The following SEZ6 variants were observed in gnomAD, a reference collection of about 807,000 sequenced individuals.
SEZ6 encodes seizure related 6 homolog, also known as seizure protein 6 homolog.
A neutral mutation model predicts 101.0 loss-of-function variants in SEZ6; 53 were observed. The observed-to-expected ratio is 0.52, with a 90% CI of 0.42 to 0.66. SEZ6 has a LOEUF of 0.66. SEZ6 is among the 30% of genes least tolerant of loss of function. The pLI is 0.00. For synonymous variants in SEZ6, 488 were observed against 512.2 expected (o/e 0.95, Z 0.64); for missense variants, 1,102 against 1,289.4 (o/e 0.85, Z 2.23).
chr17:28,965,429 A>C (rs6505100), intron 4 of SEZ6, among the ~76,000 whole-genome samples: 2,533 of 152,262 alleles, frequency 0.017, 65 homozygotes, highest in African/African-American at 0.057. Context: ...GCTTGAGGCC[A>C]GGAGTTCAAG....
rs371420535 is a variant in SEZ6, at chr17:28,960,912, C to G, written c.1302G>C (p.Pro434=). ...TTGRIVSPGF[P]GNYSNNLTCH... ...AGGTGAGGTTGTTGCTGTAGTTGCCCGGGAAGCCTGGAGAGACGATGCGGC... is the reference window on the plus strand; with the variant it reads ...AGGTGAGGTTGTTGCTGTAGTTGCCGGGGAAGCCTGGAGAGACGATGCGGC... Residue 434 remains proline, a synonymous_variant, in exon 6 of 17, where the codon CCG becomes CCC. Transcript: ENST00000317338. 1 of 1,613,900 alleles carries G rather than the reference C, an allele frequency of 6.2e-7. No individual in the cohort carries two copies. The highest frequency in any genetic ancestry group is 8.5e-7 in the Non-Finnish European group (1 of 1,179,864).
chr17:28,957,924 G>T (rs1222857510), intron 11 of SEZ6, 23 bp downstream of exon 11: 1 of 1,599,496 alleles, frequency 6.3e-7, no homozygotes, highest in African/African-American at 1.3e-5. Context: ...GGGAAGGGGA[G>T]CGTGGGGAAC....
intron 3 of SEZ6, among the ~76,000 whole-genome samples, chr17:28,977,882 T>A (rs1453705987): frequency 6.6e-6 from 1 of 152,204 alleles, no homozygotes; most frequent in African/African-American, 2.4e-5. Flanking sequence ...TAAGCGGTGC[T>A]GAGTGCTAAT....
rs2041545897 is a variant in SEZ6 at position 28,996,554 on chromosome 17, A to G, written c.55+9261T>C. Among the ~76,000 whole-genome samples the G allele has an allele frequency of 2.0e-5, 3 of 152,084 alleles. No individual in the cohort carries two copies. The South Asian group carries it at 6.2e-4, about 31-fold the overall frequency. On this transcript the variant is annotated intron_variant, in intron 1 of 16. Transcript: ENST00000317338. The stretch of plus-strand genomic sequence containing the variant: ...CAGTGAAGCCCAAGATTGGGGAGGA[A>G]GAGACTGGAGTGGGCTGCAGGGAGG...
At position 28,957,348 on chromosome 17, in the gene SEZ6, G is replaced by A. The variant is rs2306900; in HGVS notation, c.2494C>T (p.Leu832=). The A allele has an allele frequency of 1.7e-4, 275 of 1,612,288 alleles. No homozygotes were observed. In the East Asian group the frequency reaches 5.7e-3, roughly 33 times the overall value. ...TCCCTCCTACTCAATTGACACTTAC[G>A]GAGACATTTAGGGGCCCGGTCACTC... ...KWSDRAPKCL[L]EQLKPCHGLS... is the part of the protein sequence containing the mutation. Residue 832 remains leucine (L), a splice_region_variant and synonymous_variant, in exon 12 of 17, where the codon CTG becomes TTG. Coordinates refer to ENST00000317338, the MANE Select transcript of SEZ6 (RefSeq NM_178860.5).
chr17:29,005,761 C>T lies in SEZ6; in HGVS notation c.55+54G>A, dbSNP rs1417590264. The T allele has an allele frequency of 3.4e-6, 5 of 1,464,304 alleles. No individual in the cohort carries two copies. In the Admixed American group the frequency reaches 8.7e-5, roughly 26 times the overall value. 90.7% of individuals were successfully genotyped at this position (1,464,304 alleles called of 1,614,324 possible). A position where few individuals can be genotyped will look rare whatever the true frequency, so the allele number is the denominator to read the frequency against. On this transcript the variant is annotated intron_variant, in intron 1 of 16. Coordinates refer to ENST00000317338, the MANE Select transcript of SEZ6 (RefSeq NM_178860.5). This position sits in a 1 kb window ranked among gnomAD's most constrained non-coding sequence, Gnocchi z 4.8. The stretch of plus-strand genomic sequence containing the variant: ...CTGGGCACCGGGTCTCCCTTCCCAC[C>T]CCTGGGGCCCCGCTCCCGCCCCCGT...
At chr17:28,988,222 C>T (rs1301237155) in intron 1 of SEZ6, among the ~76,000 whole-genome samples, 2 of 152,222 alleles carry the variant, frequency 1.3e-5, no homozygotes, top group Admixed American at 1.3e-4. Flanking sequence ...CGGGTCAGTT[C>T]CTAGCCTCCT....
intron 1 of SEZ6, among the ~76,000 whole-genome samples, chr17:28,999,631 C>A (rs534620763): frequency 2.6e-4 from 40 of 152,314 alleles, no homozygotes; most frequent in Admixed American, 1.8e-3. Context: ...ATCCTCCCCC[C>A]ACAGGTCTGG....
Position 28,959,731 on chromosome 17 carries a change from G to T in SEZ6, c.1738C>A (p.Pro580Thr), listed in dbSNP as rs1220031349. The T allele has an allele frequency of 6.2e-7, 1 of 1,606,852 alleles. No homozygotes were observed. The highest frequency in any genetic ancestry group is 8.5e-7 in the Non-Finnish European group (1 of 1,175,830). ...GCTGGCTCTGTCTCATTCCACTGGG[G>T]GTCGTGGGGGTCAACACACTCGATG... ...IIIECVDPHD[P>T]QWNETEPACR... The change falls in exon 8 of 17, where the codon CCC (proline) becomes ACC (threonine). Residue 580 changes from proline to threonine, a missense_variant. By Grantham distance (38) the Pro-to-Thr change is conservative. Around this residue, in one of 3 missense-constraint regions of SEZ6, gnomAD observed 556 missense variants for 735.1 expected, o/e 0.76. Transcript: ENST00000317338. This position sits in a 1 kb window ranked among gnomAD's most constrained non-coding sequence, Gnocchi z 4.4.
chr17:28,999,868 C>T (rs1247584746), intron 1 of SEZ6, among the ~76,000 whole-genome samples: 1 of 152,214 alleles, frequency 6.6e-6, no homozygotes, highest in Admixed American at 6.5e-5. Flanking sequence ...CATAGTTCAC[C>T]TGACTCCCAG....
intron 1 of SEZ6, among the ~76,000 whole-genome samples, chr17:28,990,059 T>G (rs1454082445): frequency 6.6e-6 from 1 of 151,812 alleles, no homozygotes; most frequent in Non-Finnish European, 1.5e-5. Context: ...GCGACAAGAG[T>G]TAAACTCTGT....
At chr17:28,963,624 G>A (rs1026865406) in intron 5 of SEZ6, among the ~76,000 whole-genome samples, 6 of 152,094 alleles carry the variant, frequency 3.9e-5, no homozygotes, top group African/African-American at 9.7e-5. Flanking sequence ...GAATGATTGC[G>A]CCCTTGCCTC....
rs369112195 is a variant in SEZ6 at position 28,957,367 on chromosome 17, G to A, written c.2475C>T (p.Asp825=). ...ACTTACGGAGACATTTAGGGGCCCG[G>A]TCACTCCACTTGGGGCTGCCAGCCT... The part of the protein sequence containing the change: ...DRQAGSPKWS[D]RAPKCLLEQL... The change falls in exon 12 of 17, where the codon GAC becomes GAT. Residue 825 remains aspartate, a synonymous_variant. Coordinates refer to ENST00000317338, the MANE Select transcript of SEZ6 (RefSeq NM_178860.5). The A allele has an allele frequency of 6.2e-5, 100 of 1,613,620 alleles. No homozygotes were observed. The highest frequency in any genetic ancestry group is 8.0e-5 in the Non-Finnish European group (94 of 1,179,692).
Position 28,956,397 on chromosome 17 carries a change from C to T in SEZ6, c.2802G>A (p.Leu934=). Residue 934 remains leucine, a synonymous_variant, in exon 15 of 17, where the codon CTG becomes CTA. Coordinates refer to ENST00000317338, the MANE Select transcript of SEZ6 (RefSeq NM_178860.5). ...CTCCTACCAACAACACCATCGCCAC[C>T]AGTGGCAAGAAGATGGCAGCTGCAA... ...AHIAAAIFLP[L]VAMVLLVGGV... is the part of the protein sequence containing the mutation. 1 of 1,571,964 alleles carries T rather than the reference C, an allele frequency of 6.4e-7. No homozygotes were observed. The highest frequency in any genetic ancestry group is 8.6e-7 in the Non-Finnish European group (1 of 1,158,514).
intron 4 of SEZ6, among the ~76,000 whole-genome samples, chr17:28,964,868 C>T (rs112724064): frequency 2.6e-5 from 4 of 151,580 alleles, no homozygotes; most frequent in African/African-American, 9.7e-5. Flanking sequence ...ACAAGCCTGA[C>T]CAACATGGAT....
At chr17:28,957,882 A>G in intron 11 of SEZ6, 65 bp downstream of exon 11, 5 of 1,543,622 alleles carry the variant, frequency 3.2e-6, no homozygotes, top group Non-Finnish European at 4.4e-6. Flanking sequence ...AGTCTGGTTC[A>G]GAATCCAGGA....
intron 11 of SEZ6, 113 bp from the exon 12 acceptor site, chr17:28,957,652 C>A (rs114993784): frequency 4.3e-6 from 5 of 1,169,848 alleles, no homozygotes; most frequent in African/African-American, 3.1e-5. Context: ...GGGTCTACCC[C>A]CTACGTATCT....
Position 28,981,740 on chromosome 17 carries a change from A to G in SEZ6, c.355T>C (p.Phe119Leu), listed in dbSNP as rs1261863887. The change falls in exon 2 of 17, where the codon TTT becomes CTT. Residue 119 changes from phenylalanine (F) to leucine (L), a missense_variant. By Grantham distance (22) the Phe-to-Leu change is conservative (BLOSUM62 0). Coordinates refer to ENST00000317338, the MANE Select transcript of SEZ6 (RefSeq NM_178860.5). ...RLANQDSRPV[F>L]TSPTPAMAAV... ...GCCATGGCTGGAGTGGGGCTGGTAA[A>G]GACAGGGCGGCTGTCCTGGTTGGCC... 3 of 1,608,022 alleles carry G rather than the reference A, an allele frequency of 1.9e-6. No individual in the cohort carries two copies. The African/African-American group carries it at 4.0e-5, about 21-fold the overall frequency.
At chr17:28,999,032 G>A (rs2041580096) in intron 1 of SEZ6, among the ~76,000 whole-genome samples, 1 of 152,132 alleles carries the variant, frequency 6.6e-6, no homozygotes, top group South Asian at 2.1e-4. Context: ...TAAGGGGAGG[G>A]ACTATGTTAT....
Sources: allele counts gnomAD v4.1 joint callset (sites outside exome capture counted in the v4.1 genomes callset), GRCh38; gene constraint gnomAD v4.1.1; regional missense constraint gnomAD v4.1.1; non-coding constraint Gnocchi (gnomAD v3.1); transcripts MANE v1.5; gene names NCBI Gene and HGNC (gene_info 2026-07-23, HGNC 2026-07-21).